The following C12orf75 variants were observed in gnomAD, a reference collection of about 807,000 sequenced individuals.
C12orf75 encodes the protein overexpressed in colon carcinoma 1 protein.
In C12orf75, 4 loss-of-function variants were observed where a neutral mutation model predicts 11.4. That is an observed-to-expected ratio of 0.35 (90% CI 0.17 to 0.80). C12orf75 has a LOEUF of 0.80. C12orf75 is among the 30% of genes least tolerant of loss of function. The probability of loss-of-function intolerance (pLI) is 0.52; values close to 1 mark genes in which losing one functional copy is unlikely to be tolerated. For missense variants in C12orf75, 89 were observed against 80.4 expected, an observed-to-expected ratio of 1.11 and a Z score of -0.41; for synonymous variants, 30 against 30.0, an observed-to-expected ratio of 1.00 and a Z score of 0.00.
chr12:105,339,866 C>G (rs916306870), intron 1 of C12orf75, among the ~76,000 whole-genome samples: 8 of 151,984 alleles, frequency 5.3e-5, no homozygotes, highest in Non-Finnish European at 1.0e-4. Context: ...GTGATCCACC[C>G]ACCTCAGCCT....
At chr12:105,361,524 TC>T (rs1275998584) in intron 2 of C12orf75, among the ~76,000 whole-genome samples, 6 of 151,902 alleles carry the variant, frequency 3.9e-5, no homozygotes, top group Non-Finnish European at 8.8e-5. Context: ...GGGAAATGAG[TC>T]CCCCCACCAG....
intron 2 of C12orf75, among the ~76,000 whole-genome samples, chr12:105,354,360 T>G (rs1892749205): frequency 6.6e-6 from 1 of 152,230 alleles, no homozygotes; most frequent in Non-Finnish European, 1.5e-5. Context: ...CTGAGGACTG[T>G]GCACCATACA....
chr12:105,337,664 A>G (rs1225382920), intron 1 of C12orf75, among the ~76,000 whole-genome samples: 1 of 152,232 alleles, frequency 6.6e-6, no homozygotes, highest in Non-Finnish European at 1.5e-5. Flanking sequence ...AGGTTTCACA[A>G]TACTGATGTT....
At chr12:105,348,730 T>C (rs1416145908) in intron 2 of C12orf75, 104 bp downstream of exon 2, 4 of 688,946 alleles carry the variant, frequency 5.8e-6, no homozygotes, top group Non-Finnish European at 7.2e-6. Context: ...TGAAAAGACA[T>C]GGAAATACTT....
At chr12:105,339,392 ATT>A (rs10638339) in intron 1 of C12orf75, among the ~76,000 whole-genome samples, 10 of 136,498 alleles carry the variant, frequency 7.3e-5, no homozygotes, top group East Asian at 4.3e-4. Context: ...AATCTTCAGT[ATT>A]TTTTTTTTTT....
chr12:105,337,222 G>GCTGA (rs959424546), intron 1 of C12orf75, among the ~76,000 whole-genome samples: 2 of 152,134 alleles, frequency 1.3e-5, no homozygotes, highest in Non-Finnish European at 2.9e-5. Context: ...TGCTTGGGAG[G>GCTGA]CTGAAGTGGG....
intron 4 of C12orf75, 73 bp downstream of exon 4, chr12:105,366,769 A>G: frequency 1.1e-6 from 1 of 910,932 alleles, no homozygotes; most frequent in South Asian, 1.4e-5. Flanking sequence ...CATGAAATTT[A>G]TATTTCAGCT....
rs561791922 is a variant in C12orf75, at chr12:105,339,214, G to A, written c.46+8277G>A. 2.7e-5 allele frequency among the ~76,000 whole-genome samples: 4 copies of A among 150,520 alleles called. No homozygotes were observed. The East Asian group carries it at 7.7e-4, about 29-fold the overall frequency. ...CATAGCAAGCTGTCAAAATTAAAGAGAATTTTATTTATTTTTCTGCAGTTA... is the reference window on the plus strand; with the variant it reads ...CATAGCAAGCTGTCAAAATTAAAGAAAATTTTATTTATTTTTCTGCAGTTA... On this transcript the variant is annotated intron_variant, in intron 1 of 5. Coordinates refer to ENST00000443585, the MANE Select transcript of C12orf75 (RefSeq NM_001145199.2).
At chr12:105,364,034 T>G (rs1356221864) in intron 2 of C12orf75, among the ~76,000 whole-genome samples, 5 of 152,170 alleles carry the variant, frequency 3.3e-5, no homozygotes, top group South Asian at 2.1e-4. Context: ...GGGAAAGAAT[T>G]AAAATAAACG....
intron 2 of C12orf75, among the ~76,000 whole-genome samples, chr12:105,361,637 C>T (rs1031175587): frequency 1.3e-5 from 2 of 152,108 alleles, no homozygotes; most frequent in African/African-American, 4.8e-5. Context: ...CATGTCTGGG[C>T]CTTCCTTTTA....
intron 1 of C12orf75, among the ~76,000 whole-genome samples, chr12:105,334,488 C>T (rs1892475904): frequency 6.6e-6 from 1 of 152,200 alleles, no homozygotes; most frequent in South Asian, 2.1e-4. Flanking sequence ...ATTTTGAGTA[C>T]ACAAAAGCTC....
rs145746947 is a variant in C12orf75, at chr12:105,352,780, A to G, written c.71+4154A>G. Among the ~76,000 whole-genome samples, 492 of 152,276 alleles carry G rather than the reference A, an allele frequency of 3.2e-3. 8 individuals carry two copies. The East Asian group carries it at 0.034, about 11-fold the overall frequency. On this transcript the variant is annotated intron_variant, in intron 2 of 5. Coordinates refer to ENST00000443585, the MANE Select transcript of C12orf75 (RefSeq NM_001145199.2). ...TGTAAATCCTATGACAGGCTAGAGA[A>G]CTCAAAACCTAGCTAGGTTAACCTT...
At chr12:105,339,393 T>TTTTC (rs34839477) in intron 1 of C12orf75, among the ~76,000 whole-genome samples, 1 of 34,022 alleles carries the variant, frequency 2.9e-5, no homozygotes, top group East Asian at 5.3e-4. Flanking sequence ...ATCTTCAGTA[T>TTTTC]TTTTTTTTTT....
intron 1 of C12orf75, among the ~76,000 whole-genome samples, chr12:105,341,300 G>A (rs970157824): frequency 6.6e-6 from 1 of 151,992 alleles, no homozygotes; most frequent in South Asian, 2.1e-4. Flanking sequence ...ATGTCTGAGA[G>A]GTTTTTTTTT....
chr12:105,334,684 C>T (rs747582811), intron 1 of C12orf75, among the ~76,000 whole-genome samples: 1 of 152,144 alleles, frequency 6.6e-6, no homozygotes, highest in South Asian at 2.1e-4. Context: ...AGGCAGGGAG[C>T]TTTTGCACTC....
chr12:105,352,252 T>A (rs1456283808), intron 2 of C12orf75, among the ~76,000 whole-genome samples: 2 of 152,120 alleles, frequency 1.3e-5, no homozygotes, highest in Non-Finnish European at 2.9e-5. Context: ...CCCTGGGGAC[T>A]GTAGTTTCAG....
At chr12:105,338,292 G>A (rs926715897) in intron 1 of C12orf75, among the ~76,000 whole-genome samples, 5 of 151,900 alleles carry the variant, frequency 3.3e-5, no homozygotes, top group East Asian at 1.9e-4. Flanking sequence ...TTCCTTCCTC[G>A]GCCTCCCGAG....
intron 2 of C12orf75, among the ~76,000 whole-genome samples, chr12:105,362,363 C>T (rs371737329): frequency 1.6e-3 from 143 of 87,938 alleles, no homozygotes; most frequent in Middle Eastern, 0.012. Flanking sequence ...CCAGCCTGGG[C>T]GACAGAGCGA....
intron 1 of C12orf75, among the ~76,000 whole-genome samples, chr12:105,331,150 GTC>G (rs1466795563): frequency 6.6e-6 from 1 of 151,970 alleles, no homozygotes; most frequent in Non-Finnish European, 1.5e-5. Flanking sequence ...CCTGCGGGGC[GTC>G]TCTGCCGAGG....
Sources: allele counts gnomAD v4.1 joint callset (sites outside exome capture counted in the v4.1 genomes callset), GRCh38; gene constraint gnomAD v4.1.1; transcripts MANE v1.5; gene names NCBI Gene and HGNC (gene_info 2026-07-23, HGNC 2026-07-21).